ATXN2: variants seen among roughly 807,000 people sequenced by gnomAD.
ATXN2 encodes the protein ataxin-2.
Under a neutral mutation model 138.6 loss-of-function variants are expected in ATXN2, and 37 were observed. The observed-to-expected ratio is 0.27, with a 90% CI of 0.21 to 0.35. ATXN2 has a LOEUF of 0.35. Among genes scored for constraint, ATXN2 ranks in the 10% least tolerant of loss-of-function variants. ATXN2 has a pLI of 1.00. For missense variants in ATXN2, 1,216 were observed against 1,480.3 expected (o/e 0.82, Z 2.93); for synonymous variants, 549 against 543.7 (o/e 1.01, Z -0.13).
At chr12:111,573,174 T>C (rs765169321) in intron 1 of ATXN2, among the ~76,000 whole-genome samples, 47 of 152,032 alleles carry the variant, frequency 3.1e-4, no homozygotes, top group African/African-American at 8.9e-4. Context: ...TTCTTCATTA[T>C]TGTTATTATT....
intron 1 of ATXN2, among the ~76,000 whole-genome samples, chr12:111,557,855 C>T (rs1273069604): frequency 1.3e-5 from 2 of 152,112 alleles, no homozygotes; most frequent in East Asian, 3.9e-4. Context: ...CTAAATCTTA[C>T]TTAGAACGAT....
chr12:111,579,660 A>C (rs1371059464), intron 1 of ATXN2, among the ~76,000 whole-genome samples: 1 of 151,810 alleles, frequency 6.6e-6, no homozygotes, highest in East Asian at 1.9e-4. Context: ...CTCAACAATA[A>C]GCAGAAAGAA....
intron 1 of ATXN2, among the ~76,000 whole-genome samples, chr12:111,566,601 A>G (rs970301342): frequency 6.6e-6 from 1 of 151,666 alleles, no homozygotes; most frequent in African/African-American, 2.4e-5. Context: ...AGGTTAAAAC[A>G]TCAACATTAA....
At chr12:111,589,563 G>A (rs1884538722) in intron 1 of ATXN2, among the ~76,000 whole-genome samples, 1 of 151,796 alleles carries the variant, frequency 6.6e-6, no homozygotes, top group Non-Finnish European at 1.5e-5. Flanking sequence ...CCTGAGGTCG[G>A]GAGTTCGAGA....
upstream of ATXN2, chr12:111,599,622 G>A: frequency 4.6e-6 from 5 of 1,078,806 alleles, no homozygotes; most frequent in Non-Finnish European, 5.6e-6. Flanking sequence ...GTGGCCCCGG[G>A]GCCGGGAGGG....
chr12:111,598,994 TGCTGCTGCTGCTGCTGCTGC>T lies in ATXN2; in HGVS notation c.21_40del (p.Gln8AlafsTer75), dbSNP rs1566091210. 5.2e-5 allele frequency: 73 copies of T among 1,402,370 alleles called. No individual in the cohort carries two copies. Among genetic ancestry groups the T allele is most frequent in the Non-Finnish European group, 6.7e-5 (71 of 1,061,598 alleles). The allele number at this position is 1,402,370 out of a possible 1,614,324, so 86.9% of individuals were successfully genotyped here. ...CTGCTGCTGTTGCTGCTGCTGCTGC[TGCTGCTGCTGCTGCTGCTGC>T]TGCTGGGGCTTCAGCGACATGGTGA... On this transcript the variant is annotated frameshift_variant, in exon 1 of 25. Coordinates refer to ENST00000673436, the MANE Select transcript of ATXN2 (RefSeq NM_001372574.1). LOFTEE classifies it high-confidence loss of function. The surrounding 1 kb of genome is among the most constrained non-coding windows in gnomAD (Gnocchi z 4.5).
chr12:111,560,674 C>G (rs1286913982), intron 1 of ATXN2, among the ~76,000 whole-genome samples: 1 of 151,838 alleles, frequency 6.6e-6, no homozygotes, highest in African/African-American at 2.4e-5. Context: ...AAGCAAATAA[C>G]AGTAACAACC....
chr12:111,503,433 G>A (rs1878906173), intron 14 of ATXN2, among the ~76,000 whole-genome samples: 1 of 152,092 alleles, frequency 6.6e-6, no homozygotes, highest in Non-Finnish European at 1.5e-5. Context: ...AGAGATGTTA[G>A]ACAAGATTTA....
At position 111,453,744 on chromosome 12, in the gene ATXN2, A is replaced by G. The variant is rs150506549; in HGVS notation, c.3372T>C (p.Ala1124=). ...QPPGGPQAAL[A]QSALQPIPVS... ...CTGGAATGGGCTGTAGTGCACTTTG[A>G]GCGAGGGCGGCCTGGGGACCGCCGG... The change falls in exon 24 of 25, where the codon GCT becomes GCC. Residue 1124 remains alanine, a synonymous_variant. Coordinates refer to ENST00000673436, the MANE Select transcript of ATXN2 (RefSeq NM_001372574.1). This position sits in a 1 kb window ranked among gnomAD's most constrained non-coding sequence, Gnocchi z 5.4. 2 of 1,613,882 alleles carry G rather than the reference A, an allele frequency of 1.2e-6. No individual in the cohort carries two copies. The highest frequency in any genetic ancestry group is 2.7e-5 in the African/African-American group (2 of 74,910).
At chr12:111,546,650 G>T (rs1364057700) in intron 5 of ATXN2, among the ~76,000 whole-genome samples, 2 of 151,864 alleles carry the variant, frequency 1.3e-5, no homozygotes, top group Non-Finnish European at 1.5e-5. Flanking sequence ...GAAAGAAAAT[G>T]AAGGAAAAAA....
At position 111,591,756 on chromosome 12, in the gene ATXN2, T is replaced by G. The variant is rs190705783; in HGVS notation, c.251+7028A>C. ...CTTCCATTTTTAAGATTTAGGATTTTTTGTTGTTGTTGTTGTTGTTACTGT... is the reference window on the plus strand; with the variant it reads ...CTTCCATTTTTAAGATTTAGGATTTGTTGTTGTTGTTGTTGTTGTTACTGT... On this transcript the variant is annotated intron_variant, in intron 1 of 24. Transcript: ENST00000673436. Among the ~76,000 whole-genome samples, 431 of 152,094 alleles carry G rather than the reference T, an allele frequency of 2.8e-3. 1 individual carries two copies. The highest frequency in any genetic ancestry group is 8.3e-3 in the African/African-American group (343 of 41,512).
At chr12:111,565,082 T>G (rs939503332) in intron 1 of ATXN2, among the ~76,000 whole-genome samples, 7 of 152,318 alleles carry the variant, frequency 4.6e-5, no homozygotes, top group African/African-American at 1.7e-4. Flanking sequence ...AAGTTTTATG[T>G]ACATATAAGA....
intron 5 of ATXN2, among the ~76,000 whole-genome samples, chr12:111,546,551 A>C (rs948830317): frequency 9.2e-5 from 14 of 152,204 alleles, no homozygotes; most frequent in African/African-American, 3.4e-4. Flanking sequence ...AAAAAGTATG[A>C]GGAACAATGG....
chr12:111,575,640 G>C (rs1366310366), intron 1 of ATXN2, among the ~76,000 whole-genome samples: 10 of 152,100 alleles, frequency 6.6e-5, no homozygotes, highest in Admixed American at 6.6e-4. Flanking sequence ...AAAAGAGAGA[G>C]ACCTCATCTG....
At chr12:111,582,378 G>C (rs1043425802) in intron 1 of ATXN2, among the ~76,000 whole-genome samples, 1 of 151,750 alleles carries the variant, frequency 6.6e-6, no homozygotes, top group African/African-American at 2.4e-5. Context: ...GGGAGGTGGA[G>C]GTTAGAGTGA....
chr12:111,533,506 C>T (rs1426918832), intron 5 of ATXN2, among the ~76,000 whole-genome samples: 2 of 148,582 alleles, frequency 1.3e-5, no homozygotes, highest in Non-Finnish European at 2.9e-5. Context: ...TTTGATTTCC[C>T]ATATAATTTT....
chr12:111,482,116 C>A (rs1355709829), intron 18 of ATXN2, among the ~76,000 whole-genome samples: 2 of 150,874 alleles, frequency 1.3e-5, no homozygotes, highest in African/African-American at 4.9e-5. Flanking sequence ...CTTTGGGAGG[C>A]CGAGGGAGGT....
At chr12:111,581,716 G>A in intron 1 of ATXN2, 1 of 665,530 alleles carries the variant, frequency 1.5e-6, no homozygotes, top group Non-Finnish European at 2.8e-6. Context: ...CCCTGATTGT[G>A]CGCATCATTA....
At chr12:111,587,073 CAAA>C (rs374631048) in intron 1 of ATXN2, among the ~76,000 whole-genome samples, 13,153 of 112,838 alleles carry the variant, frequency 0.12, 2,089 homozygotes, top group African/African-American at 0.39. Flanking sequence ...CCATTTCTAC[CAAA>C]AAAAAAAAAA....
Sources: allele counts gnomAD v4.1 joint callset (sites outside exome capture counted in the v4.1 genomes callset), GRCh38; gene constraint gnomAD v4.1.1; non-coding constraint Gnocchi (gnomAD v3.1); transcripts MANE v1.5; gene names NCBI Gene and HGNC (gene_info 2026-07-23, HGNC 2026-07-21).